N4BP2: variants seen among roughly 807,000 people sequenced by gnomAD.
N4BP2 encodes NEDD4 binding protein 2, also known as NEDD4-binding protein 2.
A neutral mutation model predicts 152.8 loss-of-function variants in N4BP2; 91 were observed. That is an observed-to-expected ratio of 0.60 (90% CI 0.50 to 0.71). N4BP2 has a LOEUF of 0.71. Ranked by LOEUF, N4BP2 falls within the 30% of genes least tolerant of loss-of-function variation. The pLI is 0.00. For missense variants in N4BP2, 1,923 were observed against 2,059.1 expected (o/e 0.93, Z 1.28); for synonymous variants, 646 against 705.3 (o/e 0.92, Z 1.33).
chr4:40,171,977 G>T, the N4BP2 span, among the ~76,000 whole-genome samples: 1 of 152,172 alleles, frequency 6.6e-6, no homozygotes, highest in Non-Finnish European at 1.5e-5. Context: ...CGCGATCTCA[G>T]CTCACTGCAA....
intron 1 of N4BP2, among the ~76,000 whole-genome samples, chr4:40,060,547 A>G (rs140408003): frequency 2.2e-4 from 33 of 152,034 alleles, no homozygotes; most frequent in Admixed American, 3.9e-4. Context: ...GCCCGGCCGC[A>G]CATACTTTAA....
intron 2 of N4BP2, among the ~76,000 whole-genome samples, chr4:40,088,666 A>G (rs1714224715): frequency 6.6e-6 from 1 of 151,738 alleles, no homozygotes; most frequent in Non-Finnish European, 1.5e-5. Flanking sequence ...ACGCCTGGCT[A>G]ATTTTGTATT....
At chr4:40,113,062 A>G (rs962798935) in intron 6 of N4BP2, among the ~76,000 whole-genome samples, 3 of 152,166 alleles carry the variant, frequency 2.0e-5, no homozygotes, top group African/African-American at 4.8e-5. Flanking sequence ...TCATTAGCAC[A>G]TGTAGAATTT....
At chr4:40,065,209 A>G (rs1226153356) in intron 1 of N4BP2, among the ~76,000 whole-genome samples, 2 of 152,218 alleles carry the variant, frequency 1.3e-5, no homozygotes. Context: ...GGATCACGTC[A>G]TAGAAGTCCT....
At chr4:40,099,318 T>C (rs896278907) in intron 3 of N4BP2, among the ~76,000 whole-genome samples, 4 of 152,172 alleles carry the variant, frequency 2.6e-5, no homozygotes, top group Non-Finnish European at 1.5e-5. Context: ...TCTTGGCTCA[T>C]GGCAACCTCA....
intron 8 of N4BP2, among the ~76,000 whole-genome samples, chr4:40,118,871 C>G (rs192530776): frequency 1.7e-3 from 258 of 152,254 alleles, no homozygotes; most frequent in African/African-American, 5.8e-3. Flanking sequence ...TAAATAAAAA[C>G]AGCATTAACT....
intron 2 of N4BP2, among the ~76,000 whole-genome samples, chr4:40,087,883 C>G (rs899784440): frequency 3.3e-5 from 5 of 151,890 alleles, no homozygotes. Flanking sequence ...TACAGGCATG[C>G]GCCACAATGC....
At chr4:40,067,509 C>T (rs1711650128) in intron 1 of N4BP2, among the ~76,000 whole-genome samples, 1 of 151,740 alleles carries the variant, frequency 6.6e-6, no homozygotes. Context: ...GCAAGTATCT[C>T]TTGGAGATCC....
chr4:40,136,343 A>AATCTATCTATCTATCTATCT (rs56276709), intron 13 of N4BP2, among the ~76,000 whole-genome samples: 1 of 136,610 alleles, frequency 7.3e-6, no homozygotes, highest in Non-Finnish European at 1.6e-5. Context: ...TTAGAAATTG[A>AATCTATCTATCTATCTATCT]ATCTATCTAT....
chr4:40,152,037 C>T (rs1721195871), intron 16 of N4BP2, among the ~76,000 whole-genome samples: 1 of 151,920 alleles, frequency 6.6e-6, no homozygotes, highest in African/African-American at 2.4e-5. Context: ...GGATTTATAT[C>T]CTTGATTTTC....
At chr4:40,172,818 C>T in the N4BP2 span, among the ~76,000 whole-genome samples, 1 of 152,220 alleles carries the variant, frequency 6.6e-6, no homozygotes, top group Non-Finnish European at 1.5e-5. Context: ...ATCTTCCCAA[C>T]AATGTGTTTT....
At chr4:40,065,381 A>G (rs1432390995) in intron 1 of N4BP2, among the ~76,000 whole-genome samples, 1 of 152,190 alleles carries the variant, frequency 6.6e-6, no homozygotes, top group Non-Finnish European at 1.5e-5. Flanking sequence ...AAAATTATTG[A>G]CTGGAGTCAC....
chr4:40,177,120 T>G, the N4BP2 span, among the ~76,000 whole-genome samples: 1 of 152,188 alleles, frequency 6.6e-6, no homozygotes, highest in African/African-American at 2.4e-5. Flanking sequence ...CTTCCAGAAC[T>G]TTCCTCCAAT....
chr4:40,136,326 T>C (rs544076514), intron 13 of N4BP2, among the ~76,000 whole-genome samples: 19 of 149,976 alleles, frequency 1.3e-4, no homozygotes, highest in African/African-American at 4.1e-4. Context: ...CTGCCTGGTA[T>C]AAAGGATTAG....
Position 40,102,782 on chromosome 4 carries a change from C to G in N4BP2, c.937C>G (p.Arg313Gly), listed in dbSNP as rs868556240. ...TACAGGTGGGGATCAGAAATCTACT[C>G]GGGTCTCTGATGTGTTTCTACCTTC... ...PGTGGDQKSTRVSDVFLPSEG... is the reference protein window; with the variant it reads ...PGTGGDQKSTGVSDVFLPSEG... The change falls in exon 4 of 18, where the codon CGG (arginine) becomes GGG (glycine). Residue 313 changes from arginine (R) to glycine (G), a missense_variant. Physicochemically the swap from Arg to Gly is moderately radical, Grantham distance 125 (BLOSUM62 -2). Transcript: ENST00000261435. 3.7e-6 allele frequency: 6 copies of G among 1,614,086 alleles called. No homozygotes were observed. The highest frequency in any genetic ancestry group is 1.7e-6 in the Non-Finnish European group (2 of 1,180,020).
chr4:40,083,726 G>A (rs915111228), intron 2 of N4BP2, among the ~76,000 whole-genome samples: 11 of 152,156 alleles, frequency 7.2e-5, no homozygotes, highest in African/African-American at 1.9e-4. Flanking sequence ...TTCTTCTTGA[G>A]TTAATAGAAA....
intron 12 of N4BP2, among the ~76,000 whole-genome samples, chr4:40,126,797 G>A (rs1718451143): frequency 6.6e-6 from 1 of 152,074 alleles, no homozygotes; most frequent in Non-Finnish European, 1.5e-5. Context: ...TCGCTCTGTT[G>A]CCCAGGCTGG....
chr4:40,141,859 G>A (rs538752420), intron 14 of N4BP2, among the ~76,000 whole-genome samples: 1 of 152,340 alleles, frequency 6.6e-6, no homozygotes, highest in Non-Finnish European at 1.5e-5. Context: ...GCCGAGGCTG[G>A]CGGATCACTC....
the N4BP2 span, among the ~76,000 whole-genome samples, chr4:40,185,167 T>C: frequency 1.3e-5 from 2 of 152,192 alleles, no homozygotes; most frequent in Non-Finnish European, 2.9e-5. Flanking sequence ...TAATTTGTCT[T>C]CTGTAAGGGG....
Sources: gnomAD v4.1 joint callset for allele counts (sites outside exome capture counted in the v4.1 genomes callset) on GRCh38, gnomAD v4.1.1 for gene constraint, MANE v1.5 for transcripts, NCBI Gene and HGNC (gene_info 2026-07-23, HGNC 2026-07-21) for gene names.